CPM: variants seen among roughly 807,000 people sequenced by gnomAD.
CPM encodes carboxypeptidase M.
A neutral mutation model predicts 46.4 loss-of-function variants in CPM; 35 were observed. The ratio of observed to expected loss-of-function variants is 0.75; its 90% CI spans 0.58 to 1.00. The LOEUF is 1.00. Among genes scored for constraint, CPM ranks in the 50% least tolerant of loss-of-function variants. CPM has a pLI of 0.00. For missense variants in CPM, 422 were observed against 530.4 expected (o/e 0.80, Z 2.01); for synonymous variants, 195 against 195.3 (o/e 1.00, Z 0.01).
intron 1 of CPM, among the ~76,000 whole-genome samples, chr12:68,953,948 A>G (rs1166758370): frequency 6.6e-6 from 1 of 152,220 alleles, no homozygotes; most frequent in Non-Finnish European, 1.5e-5. Context: ...TGTCAGCATT[A>G]CAACATAGAA....
chr12:68,842,818 T>G, intron 5 of CPM: 2 of 199,312 alleles, frequency 1.0e-5, no homozygotes, highest in Non-Finnish European at 2.1e-5. Flanking sequence ...TTAATATTTC[T>G]TATTTTGGTT....
At chr12:68,857,186 A>T in intron 8 of CPM, among the ~76,000 whole-genome samples, 1 of 146,084 alleles carries the variant, frequency 6.8e-6, no homozygotes, top group Admixed American at 6.9e-5. Context: ...TTTGAGATAG[A>T]GTCTTGCTCT....
At chr12:68,849,949 CA>C (rs1404660113), downstream of CPM, 2 of 152,152 alleles carry the variant, frequency 1.3e-5, no homozygotes, top group Non-Finnish European at 2.9e-5. Flanking sequence ...TCCAAGAGAG[CA>C]GAGAAATAAT....
At chr12:68,844,462 C>CT (rs1028974698) in intron 5 of CPM, 6 of 228,142 alleles carry the variant, frequency 2.6e-5, no homozygotes, top group African/African-American at 1.3e-4. Flanking sequence ...GCAGCCTGGC[C>CT]TAAGTGATCG....
chr12:68,877,796 C>T (rs1414056398), intron 3 of CPM, among the ~76,000 whole-genome samples: 1 of 152,154 alleles, frequency 6.6e-6, no homozygotes, highest in Non-Finnish European at 1.5e-5. Flanking sequence ...AGTTGGGAAC[C>T]TCTACTGCAT....
At chr12:68,900,284 A>T (rs1042707800) in intron 2 of CPM, among the ~76,000 whole-genome samples, 1 of 152,236 alleles carries the variant, frequency 6.6e-6, no homozygotes, top group Non-Finnish European at 1.5e-5. Context: ...AGATGTCATC[A>T]TATGTCACAT....
chr12:68,898,393 A>G (rs1462374038), intron 2 of CPM, among the ~76,000 whole-genome samples: 5 of 152,114 alleles, frequency 3.3e-5, no homozygotes, highest in African/African-American at 9.7e-5. Context: ...CAGTCATCCT[A>G]CTTCCTGAGT....
upstream of CPM, among the ~76,000 whole-genome samples, chr12:68,937,925 G>C (rs556019633): frequency 6.6e-6 from 1 of 152,150 alleles, no homozygotes; most frequent in East Asian, 1.9e-4. Context: ...ATGAAAACAG[G>C]ATCAAAATAT....
At chr12:68,878,422 C>T (rs1369808149) in intron 3 of CPM, among the ~76,000 whole-genome samples, 2 of 152,162 alleles carry the variant, frequency 1.3e-5, no homozygotes, top group Non-Finnish European at 2.9e-5. Flanking sequence ...ATTGTAAAAC[C>T]TAAGATATTT....
intron 1 of CPM, among the ~76,000 whole-genome samples, chr12:68,954,486 CA>C (rs958766430): frequency 5.9e-5 from 9 of 152,190 alleles, no homozygotes; most frequent in Non-Finnish European, 8.8e-5. Flanking sequence ...TTATCTCTCT[CA>C]GGCTCCTTTG....
chr12:68,856,440 T>C lies in CPM; in HGVS notation c.1329A>G (p.Lys443=). The C allele has an allele frequency of 6.2e-7, 1 of 1,613,072 alleles. No homozygotes were observed. The highest frequency in any genetic ancestry group is 8.5e-7 in the Non-Finnish European group (1 of 1,179,462). The stretch of plus-strand genomic sequence containing the variant: ...GGGTTGAGTTTCACATTTTACTTTA[T>C]TTGAAGAATATGTGCAAAAGACTCA... ...FLVSLLHIFF[K] is the part of the protein sequence containing the mutation. The change falls in exon 9 of 9, where the codon AAA becomes AAG. Residue 443 remains lysine (K), a synonymous_variant. Transcript: ENST00000551568.
chr12:68,897,257 A>G (rs1886909588), intron 2 of CPM, among the ~76,000 whole-genome samples: 2 of 151,178 alleles, frequency 1.3e-5, no homozygotes, highest in African/African-American at 4.9e-5. Context: ...TAATTCTTCC[A>G]TGTTCCCCTT....
At position 68,930,168 on chromosome 12, in the gene CPM, C is replaced by T. The variant is rs549710182; in HGVS notation, c.160+2510G>A. On this transcript the variant is annotated intron_variant, in intron 2 of 8. Coordinates refer to ENST00000551568, the MANE Select transcript of CPM (RefSeq NM_198320.5). ...TGATCTTGGCCCACTGCAACCTCTG[C>T]CTCCTGGGTTCACGCTATTCTCCGG... 1.6e-3 allele frequency among the ~76,000 whole-genome samples: 243 copies of T among 152,332 alleles called. 1 individual carries two copies. Among genetic ancestry groups the T allele is most frequent in the African/African-American group, 5.7e-3 (238 of 41,580 alleles).
intron 3 of CPM, among the ~76,000 whole-genome samples, chr12:68,873,862 G>A (rs1412892456): frequency 3.3e-5 from 5 of 151,538 alleles, no homozygotes; most frequent in Non-Finnish European, 7.4e-5. Context: ...CTAGAGTGCA[G>A]TGGCACCATG....
intron 1 of CPM, among the ~76,000 whole-genome samples, chr12:68,960,862 T>G (rs542911601): frequency 1.3e-5 from 2 of 152,294 alleles, no homozygotes; most frequent in South Asian, 2.1e-4. Flanking sequence ...GCACCTACTT[T>G]GTCCTATCTG....
Position 68,862,155 on chromosome 12 carries a change from C to A in CPM, c.941-3084G>T, listed in dbSNP as rs1368811454. ...CCCTCAAAGATAGAAAAAGGAAGAA[C>A]AATTTGCATTTGAAGAAATGTCTGA... is the stretch of plus-strand genomic sequence containing the variant. On this transcript the variant is annotated intron_variant, in intron 7 of 8. Transcript: ENST00000551568. Among the ~76,000 whole-genome samples, 4 of 139,206 alleles carry A rather than the reference C, an allele frequency of 2.9e-5. 1 individual carries two copies. The highest frequency in any genetic ancestry group is 1.9e-4 in the East Asian group (1 of 5,178). 91.3% of individuals were successfully genotyped at this position (139,206 alleles called of 152,430 possible).
At chr12:68,906,646 C>T (rs562548478) in intron 2 of CPM, among the ~76,000 whole-genome samples, 22 of 152,228 alleles carry the variant, frequency 1.4e-4, no homozygotes, top group African/African-American at 3.6e-4. Flanking sequence ...TCCGCCATCA[C>T]ACCTGGCTAA....
intron 2 of CPM, among the ~76,000 whole-genome samples, chr12:68,931,550 C>T (rs1013385160): frequency 7.3e-5 from 11 of 151,664 alleles, no homozygotes; most frequent in African/African-American, 2.7e-4. Flanking sequence ...TGAGACCAGC[C>T]TGGCCAATAT....
chr12:68,858,056 C>T (rs990257791), intron 8 of CPM, among the ~76,000 whole-genome samples: 1 of 152,150 alleles, frequency 6.6e-6, no homozygotes. Flanking sequence ...CATGGAGGCT[C>T]TGAATTCTAT....
Sources: allele counts gnomAD v4.1 joint callset (sites outside exome capture counted in the v4.1 genomes callset), GRCh38; gene constraint gnomAD v4.1.1; transcripts MANE v1.5; gene names NCBI Gene and HGNC (gene_info 2026-07-23, HGNC 2026-07-21).